Variants in USP22 observed in about 807,000 individuals in gnomAD.
The protein encoded by USP22 is ubiquitin carboxyl-terminal hydrolase 22.
Under a neutral mutation model 68.1 loss-of-function variants are expected in USP22, and 22 were observed. The observed-to-expected ratio is 0.32, with a 90% CI of 0.23 to 0.46. The LOEUF (loss-of-function observed/expected upper bound fraction) is 0.46, where lower values mean the gene tolerates loss of function less well. USP22 is among the 20% of genes least tolerant of loss of function. The pLI is 1.00. For missense variants in USP22, 433 were observed against 695.8 expected (o/e 0.62, Z 4.25); for synonymous variants, 279 against 274.2 (o/e 1.02, Z -0.17).
At chr17:21,031,075 A>G (rs1393182074) in intron 1 of USP22, among the ~76,000 whole-genome samples, 3 of 152,230 alleles carry the variant, frequency 2.0e-5, no homozygotes, top group Non-Finnish European at 4.4e-5. Flanking sequence ...AATGTATACA[A>G]TATTCATTTT....
At chr17:21,013,718 A>T (rs184511444) in intron 6 of USP22, among the ~76,000 whole-genome samples, 60 of 152,308 alleles carry the variant, frequency 3.9e-4, no homozygotes, top group Admixed American at 3.5e-3. Context: ...TCCCAGAGGG[A>T]TCTCAAATTC....
rs547188405 is a variant in USP22 at position 21,032,915 on chromosome 17, CCT to C, written c.172-4243_172-4242del. Among the ~76,000 whole-genome samples, 422 of 115,636 alleles carry C rather than the reference CCT, an allele frequency of 3.6e-3. 5 individuals are homozygous for C. Among genetic ancestry groups the C allele is most frequent in the African/African-American group, 0.018 (397 of 22,222 alleles). The allele number at this position is 115,636 out of a possible 152,430, so 75.9% of individuals were successfully genotyped here. On this transcript the variant is annotated intron_variant, in intron 1 of 12. Transcript: ENST00000261497. ...TCTAGCCTGAGCAACAGAACCAGAC[CCT>C]GTCTCAAAAAAAAAAAAAAAAAAAA...
intron 2 of USP22, among the ~76,000 whole-genome samples, chr17:21,026,949 G>A (rs1183452696): frequency 1.3e-5 from 2 of 151,990 alleles, no homozygotes; most frequent in Admixed American, 6.6e-5. Context: ...CTGCAGGCGT[G>A]CGCCACAGCA....
At chr17:21,005,081 G>T in intron 10 of USP22, 91 bp from the exon 11 acceptor site, 3 of 1,433,456 alleles carry the variant, frequency 2.1e-6, no homozygotes, top group South Asian at 2.4e-5. Context: ...ATCCAAGCTT[G>T]ACCATGCAGA....
chr17:21,030,733 T>C (rs1972279863), intron 1 of USP22, among the ~76,000 whole-genome samples: 1 of 152,022 alleles, frequency 6.6e-6, no homozygotes, highest in African/African-American at 2.4e-5. Flanking sequence ...GAAAGAAAAA[T>C]AGGCTAGGAA....
intron 6 of USP22, among the ~76,000 whole-genome samples, chr17:21,015,451 G>A (rs192175325): frequency 6.6e-6 from 1 of 152,238 alleles, no homozygotes; most frequent in East Asian, 1.9e-4. Context: ...GGCAGGCAGG[G>A]GCCTCAAAGC....
chr17:21,041,899 A>T (rs1412137287), intron 1 of USP22, among the ~76,000 whole-genome samples: 1 of 152,204 alleles, frequency 6.6e-6, no homozygotes, highest in Non-Finnish European at 1.5e-5. Context: ...GCGCGCTTCC[A>T]AGTCTACTCC....
intron 1 of USP22, among the ~76,000 whole-genome samples, chr17:21,029,732 T>C (rs552452386): frequency 6.6e-6 from 1 of 152,344 alleles, no homozygotes; most frequent in African/African-American, 2.4e-5. Flanking sequence ...TACTGACACA[T>C]GCTACAGTGC....
intron 1 of USP22, among the ~76,000 whole-genome samples, chr17:21,039,028 T>G (rs974800977): frequency 6.6e-6 from 1 of 151,962 alleles, no homozygotes; most frequent in Non-Finnish European, 1.5e-5. Flanking sequence ...CTCGGCTCAC[T>G]GCAACCTCCG....
chr17:21,016,331 G>A (rs1039475018), intron 5 of USP22, among the ~76,000 whole-genome samples: 2 of 152,186 alleles, frequency 1.3e-5, no homozygotes, highest in Admixed American at 6.5e-5. Flanking sequence ...CTGCCTCTGA[G>A]GCTAATGGCA....
intron 12 of USP22, among the ~76,000 whole-genome samples, chr17:21,003,944 C>T (rs1367702757): frequency 2.0e-5 from 3 of 151,420 alleles, no homozygotes; most frequent in Non-Finnish European, 4.4e-5. Flanking sequence ...GTTCAGTTCA[C>T]GCAGTTAAAA....
chr17:21,019,776 T>G (rs1337309654), intron 3 of USP22, among the ~76,000 whole-genome samples: 1 of 152,258 alleles, frequency 6.6e-6, no homozygotes, highest in Non-Finnish European at 1.5e-5. Context: ...TACTTCAAAA[T>G]ACTTTAAAAG....
intron 8 of USP22, 99 bp from the exon 9 acceptor site, chr17:21,008,095 C>T: frequency 1.4e-6 from 2 of 1,406,496 alleles, no homozygotes; most frequent in Non-Finnish European, 1.9e-6. Flanking sequence ...GGTTGATTTC[C>T]CTACCAAAAA....
At chr17:21,036,520 A>AGG (rs576667414) in intron 1 of USP22, among the ~76,000 whole-genome samples, 2,275 of 70,590 alleles carry the variant, frequency 0.032, 121 homozygotes, top group East Asian at 0.096. Flanking sequence ...CTGTACTGTA[A>AGG]GGGGGGGGGG....
chr17:21,007,079 G>A, intron 9 of USP22, 92 bp from the exon 10 acceptor site: 2 of 1,086,700 alleles, frequency 1.8e-6, no homozygotes, highest in Non-Finnish European at 2.6e-6. Context: ...ACAGGTGTCT[G>A]TGTTATCTCT....
intron 10 of USP22, chr17:21,006,396 C>G (rs36086904): frequency 0.29 from 43,391 of 147,924 alleles, 6,762 homozygotes; most frequent in African/African-American, 0.42. Flanking sequence ...TTGAGAAATT[C>G]AAAACAAAAA....
chr17:21,033,574 TAA>T (rs748873422), intron 1 of USP22, among the ~76,000 whole-genome samples: 2 of 152,142 alleles, frequency 1.3e-5, no homozygotes, highest in African/African-American at 2.4e-5. Flanking sequence ...GTCCAGCTTT[TAA>T]AAGTGTGCAA....
chr17:21,030,535 G>A lies in USP22; in HGVS notation c.172-1861C>T, dbSNP rs867699251. ...TCTACAACAAAGAACTCTGGCCAAC[G>A]CCACCCTAACCAAACTTATCCCCAC... On this transcript the variant is annotated intron_variant, in intron 1 of 12. Transcript: ENST00000261497. Among the ~76,000 whole-genome samples the A allele has an allele frequency of 1.1e-4, 16 of 152,282 alleles. No homozygotes were observed. In the Middle Eastern group the frequency reaches 0.01, roughly 97 times the overall value.
chr17:21,007,067 T>TG (rs1913805506), intron 9 of USP22, 80 bp from the exon 10 acceptor site: 1 of 1,201,116 alleles, frequency 8.3e-7, no homozygotes, highest in Non-Finnish European at 1.2e-6. Context: ...CTTCTTCTGA[T>TG]GACAGGTGTC....
Sources: gnomAD v4.1 joint callset for allele counts (sites outside exome capture counted in the v4.1 genomes callset) on GRCh38, gnomAD v4.1.1 for gene constraint, MANE v1.5 for transcripts, NCBI Gene and HGNC (gene_info 2026-07-23, HGNC 2026-07-21) for gene names.